Variants in GAB2 observed in about 807,000 individuals in gnomAD.
The protein encoded by GAB2 is GRB2 associated binding protein 2.
A neutral mutation model predicts 65.5 loss-of-function variants in GAB2; 26 were observed. That is an observed-to-expected ratio of 0.40 (90% CI 0.29 to 0.55). The LOEUF is 0.55. GAB2 is among the 20% of genes least tolerant of loss of function. The pLI is 0.53. For synonymous variants in GAB2, 321 were observed against 329.6 expected, an observed-to-expected ratio of 0.97 and a Z score of 0.28; for missense variants, 884 against 875.8, an observed-to-expected ratio of 1.01 and a Z score of -0.12.
chr11:78,289,271 C>T (rs1434000709), intron 1 of GAB2, among the ~76,000 whole-genome samples: 1 of 152,092 alleles, frequency 6.6e-6, no homozygotes, highest in Admixed American at 6.6e-5. Flanking sequence ...AAGAAAAGGC[C>T]TTTTCAAGAA....
intron 1 of GAB2, among the ~76,000 whole-genome samples, chr11:78,284,776 C>T (rs1866430519): frequency 6.6e-6 from 1 of 152,052 alleles, no homozygotes; most frequent in Non-Finnish European, 1.5e-5. Context: ...TTTCCGCACC[C>T]ACCTCCCAGA....
At chr11:78,324,530 G>A (rs962437720) in intron 1 of GAB2, among the ~76,000 whole-genome samples, 1 of 152,184 alleles carries the variant, frequency 6.6e-6, no homozygotes, top group African/African-American at 2.4e-5. Flanking sequence ...AAAGGTGCTA[G>A]AGGGAAAGCA....
rs570392887 is a variant in GAB2 at position 78,315,512 on chromosome 11, T to C, written c.76-34611A>G. 3.3e-5 allele frequency among the ~76,000 whole-genome samples: 5 copies of C among 152,218 alleles called. No individual in the cohort carries two copies. In the East Asian group the frequency reaches 9.7e-4, roughly 29 times the overall value. On this transcript the variant is annotated intron_variant, in intron 1 of 9. Transcript: ENST00000361507. The stretch of plus-strand genomic sequence containing the variant: ...TGGACCCTTATACCATATACAAAAA[T>C]TAACTCAAAATGGACCAAAGACCTA...
At chr11:78,238,681 C>T (rs1245947338) in intron 3 of GAB2, among the ~76,000 whole-genome samples, 1 of 152,090 alleles carries the variant, frequency 6.6e-6, no homozygotes, top group African/African-American at 2.4e-5. Context: ...CTATAAACCT[C>T]TTAGAAGAAA....
intron 3 of GAB2, among the ~76,000 whole-genome samples, chr11:78,248,539 A>G (rs1478525435): frequency 6.6e-6 from 1 of 152,224 alleles, no homozygotes; most frequent in East Asian, 1.9e-4. Context: ...GCCTTTCACT[A>G]CAACTATGAT....
chr11:78,273,760 C>T (rs1266156578), intron 2 of GAB2, among the ~76,000 whole-genome samples: 1 of 152,166 alleles, frequency 6.6e-6, no homozygotes. Flanking sequence ...TGTCCCCACC[C>T]AAATCTCATC....
intron 1 of GAB2, among the ~76,000 whole-genome samples, chr11:78,336,648 TTTTG>T (rs1331353825): frequency 2.6e-5 from 4 of 152,116 alleles, no homozygotes; most frequent in Admixed American, 6.5e-5. Context: ...ATAGTTAGAA[TTTTG>T]TGTTTTGTCT....
intron 3 of GAB2, among the ~76,000 whole-genome samples, chr11:78,249,446 A>G (rs934070354): frequency 1.3e-5 from 2 of 152,242 alleles, no homozygotes; most frequent in Admixed American, 6.5e-5. Flanking sequence ...TCAGCTCTGC[A>G]CTTTTGCTTA....
chr11:78,269,004 T>G (rs1374059443), intron 2 of GAB2, among the ~76,000 whole-genome samples: 1 of 151,928 alleles, frequency 6.6e-6, no homozygotes, highest in Non-Finnish European at 1.5e-5. Flanking sequence ...AGGCCTGATA[T>G]TTCAGGGTTA....
chr11:78,380,619 TCTCCTATC>T (rs1438554432), intron 1 of GAB2, among the ~76,000 whole-genome samples: 7 of 152,330 alleles, frequency 4.6e-5, no homozygotes, highest in Middle Eastern at 3.4e-3. Context: ...TCCACTCTTG[TCTCCTATC>T]ACACTTCCAA....
At chr11:78,277,843 T>C (rs1866216967) in intron 2 of GAB2, among the ~76,000 whole-genome samples, 3 of 152,186 alleles carry the variant, frequency 2.0e-5, no homozygotes, top group African/African-American at 7.2e-5. Context: ...CTCTTCCAAG[T>C]GTTCTTTACT....
At chr11:78,278,159 T>A (rs1866227167) in intron 2 of GAB2, among the ~76,000 whole-genome samples, 1 of 149,450 alleles carries the variant, frequency 6.7e-6, no homozygotes, top group Non-Finnish European at 1.5e-5. Context: ...AACCTCTGCC[T>A]CCCAGGTTCG....
intron 3 of GAB2, among the ~76,000 whole-genome samples, chr11:78,240,935 GA>G (rs979155288): frequency 2.0e-5 from 3 of 152,190 alleles, no homozygotes; most frequent in African/African-American, 7.2e-5. Flanking sequence ...ATAGGTTCAT[GA>G]GACTCTGAGC....
intron 1 of GAB2, among the ~76,000 whole-genome samples, chr11:78,337,713 A>G (rs1056830660): frequency 1.3e-5 from 2 of 152,262 alleles, no homozygotes; most frequent in African/African-American, 4.8e-5. Context: ...ATGAATCACA[A>G]ATGAGTTCCT....
chr11:78,254,611 G>C (rs570092939), intron 2 of GAB2, among the ~76,000 whole-genome samples: 148 of 152,180 alleles, frequency 9.7e-4, no homozygotes, highest in African/African-American at 3.5e-3. Context: ...ACCAGCCTGG[G>C]AAACCTAGTG....
intron 2 of GAB2, among the ~76,000 whole-genome samples, chr11:78,258,437 A>G (rs1308576731): frequency 6.6e-6 from 1 of 152,206 alleles, no homozygotes; most frequent in Admixed American, 6.5e-5. Flanking sequence ...TATGGCTCCA[A>G]AGGAACAAGG....
Position 78,225,154 on chromosome 11 carries a change from G to A in GAB2, c.1256C>T (p.Ala419Val), listed in dbSNP as rs2134464173. The A allele has an allele frequency of 6.2e-7, 1 of 1,613,612 alleles. No individual in the cohort carries two copies. The highest frequency in any genetic ancestry group is 8.5e-7 in the Non-Finnish European group (1 of 1,179,502). Residue 419 changes from alanine to valine, a missense_variant, in exon 5 of 10, where the codon GCA (alanine) becomes GTA (valine). Ala to Val is a moderately conservative substitution (Grantham distance 64, BLOSUM62 0). Coordinates refer to ENST00000361507, the MANE Select transcript of GAB2 (RefSeq NM_080491.3). ...YEYPQRGGES[A>V]GRSAESMSDG... Reference sequence around the variant, plus strand: ...ACTCATGGATTCAGCAGACCGGCCTGCACTCTCTCCACCACGCTGTGGGTA... The same window carrying A: ...ACTCATGGATTCAGCAGACCGGCCTACACTCTCTCCACCACGCTGTGGGTA...
chr11:78,369,442 T>C (rs1421848793), intron 1 of GAB2, among the ~76,000 whole-genome samples: 3 of 152,254 alleles, frequency 2.0e-5, no homozygotes, highest in African/African-American at 7.2e-5. Flanking sequence ...GGCCTATGGT[T>C]TCTTTTGGTT....
intron 3 of GAB2, among the ~76,000 whole-genome samples, chr11:78,241,281 A>G (rs1865127247): frequency 6.6e-6 from 1 of 152,234 alleles, no homozygotes; most frequent in African/African-American, 2.4e-5. Context: ...TCTCAACTGG[A>G]ACACTAAAAC....
Sources: gnomAD v4.1 joint callset for allele counts (sites outside exome capture counted in the v4.1 genomes callset) on GRCh38, gnomAD v4.1.1 for gene constraint, MANE v1.5 for transcripts, NCBI Gene and HGNC (gene_info 2026-07-23, HGNC 2026-07-21) for gene names.